FBN3: variants seen among roughly 807,000 people sequenced by gnomAD.
The protein encoded by FBN3 is fibrillin 3.
In FBN3, 234 loss-of-function variants were observed where a neutral mutation model predicts 330.1. The ratio of observed to expected loss-of-function variants is 0.71; its 90% confidence interval spans 0.64 to 0.79. The LOEUF (loss-of-function observed/expected upper bound fraction) is 0.79. Among genes scored for constraint, FBN3 ranks in the 30% least tolerant of loss-of-function variants. FBN3 has a pLI of 0.00. For synonymous variants in FBN3, 1,458 were observed against 1,517.3 expected, an observed-to-expected ratio of 0.96 and a Z score of 0.91; for missense variants, 3,606 against 3,886.9, an observed-to-expected ratio of 0.93 and a Z score of 1.92.
intron 8 of FBN3, among the ~76,000 whole-genome samples, chr19:8,139,718 TC>T (rs2083369506): frequency 6.6e-6 from 1 of 151,860 alleles, no homozygotes; most frequent in African/African-American, 2.4e-5. Flanking sequence ...CTCTTCCACT[TC>T]CCACTGCGCC....
Position 8,103,628 on chromosome 19 carries a change from G to C in FBN3, c.4873C>G (p.Leu1625Val). 1 of 1,613,648 alleles carries C rather than the reference G, an allele frequency of 6.2e-7. No homozygotes were observed. Among genetic ancestry groups the C allele is most frequent in the Non-Finnish European group, 8.5e-7 (1 of 1,179,710 alleles). The change falls in exon 39 of 64, where the codon CTG becomes GTG. Residue 1625 changes from leucine to valine, a missense_variant. Transcript: ENST00000600128. ...ICGPGTCYNT[L>V]GNYTCVCPAE... ...GGGCAGACACAGGTGTAGTTCCCCAGGGTGTTGTAGCAGGTGCCAGGGCCA... is the reference window on the plus strand; with the variant it reads ...GGGCAGACACAGGTGTAGTTCCCCACGGTGTTGTAGCAGGTGCCAGGGCCA...
intron 55 of FBN3, 66 bp downstream of exon 55, chr19:8,086,134 G>T: frequency 8.2e-7 from 1 of 1,212,826 alleles, no homozygotes; most frequent in Non-Finnish European, 1.1e-6. Flanking sequence ...GGCAGTGGGG[G>T]GGGACAGGCA....
In FBN3 at chr19:8,094,446, C is replaced by A. The variant is rs763342092; in HGVS notation, c.5905G>T (p.Asp1969Tyr). The change falls in exon 47 of 64, where the codon GAT (aspartate) becomes TAT (tyrosine). Residue 1969 changes from aspartate to tyrosine, a missense_variant and splice_region_variant. Transcript: ENST00000600128. ...GFQVQSDHCI[D>Y]IDECSEEPNL... Reference sequence around the variant, plus strand: ...AACGGGAGTGGGGCTGGACACTCACCAATGCAGTGGTCACTCTGCACCTGG... The same window carrying A: ...AACGGGAGTGGGGCTGGACACTCACAAATGCAGTGGTCACTCTGCACCTGG... 1.2e-6 allele frequency: 2 copies of A among 1,612,182 alleles called. No homozygotes were observed. The highest frequency in any genetic ancestry group is 1.7e-6 in the Non-Finnish European group (2 of 1,178,930).
At chr19:8,071,240 C>G (rs2081505103) in intron 63 of FBN3, among the ~76,000 whole-genome samples, 2 of 152,132 alleles carry the variant, frequency 1.3e-5, no homozygotes, top group Admixed American at 1.3e-4. Context: ...GCAAAAATGC[C>G]CTCTCTGCAC....
At position 8,119,036 on chromosome 19, in the gene FBN3, T is replaced by C; in HGVS notation, c.3212-14A>G. 1 of 1,587,666 alleles carries C rather than the reference T, an allele frequency of 6.3e-7. No individual in the cohort carries two copies. The highest frequency in any genetic ancestry group is 8.6e-7 in the Non-Finnish European group (1 of 1,159,724). ...ACTCGTCCACGTCTGAAGGTTTGTGTGGAAAGAGAGAGCAGGCATGAAGGT... is the reference window on the plus strand; with the variant it reads ...ACTCGTCCACGTCTGAAGGTTTGTGCGGAAAGAGAGAGCAGGCATGAAGGT... On this transcript the variant is annotated splice_polypyrimidine_tract_variant and intron_variant, in intron 25 of 63. Transcript: ENST00000600128.
chr19:8,106,144 C>G lies in FBN3; in HGVS notation c.4777G>C (p.Gly1593Arg). ...FGSFQCECPP[G>R]YHLSEHTRIC... is the part of the protein sequence containing the mutation. ...CGGGTGTGCTCACTGAGGTGGTAGC[C>G]AGGTGGGCACTCACACTGGAAACTG... The change falls in exon 38 of 64, where the codon GGC (glycine) becomes CGC (arginine). Residue 1593 changes from glycine (G) to arginine (R), a missense_variant. Gly to Arg is a moderately radical substitution (Grantham distance 125). Transcript: ENST00000600128. 2 of 1,614,142 alleles carry G rather than the reference C, an allele frequency of 1.2e-6. No homozygotes were observed. Among genetic ancestry groups the G allele is most frequent in the South Asian group, 2.2e-5 (2 of 91,078 alleles).
intron 50 of FBN3, 29 bp downstream of exon 50, chr19:8,089,865 G>C (rs1337063871): frequency 1.9e-6 from 3 of 1,576,236 alleles, no homozygotes; most frequent in Admixed American, 3.8e-5. Flanking sequence ...GCCCAGAAGG[G>C]GCTCTTAGCA....
chr19:8,081,025 G>C lies in FBN3; in HGVS notation c.7431C>G (p.Thr2477=), dbSNP rs746023723. 11 of 1,612,790 alleles carry C rather than the reference G, an allele frequency of 6.8e-6. No individual in the cohort carries two copies. The highest frequency in any genetic ancestry group is 9.3e-6 in the Non-Finnish European group (11 of 1,179,680). The change falls in exon 59 of 64, where the codon ACC becomes ACG. Residue 2477 remains threonine, a synonymous_variant. Coordinates refer to ENST00000600128, the MANE Select transcript of FBN3 (RefSeq NM_032447.5). ...CACCGAAGCAGGCCTGGTGGTGCTG[G>C]GTGAAGCCGGGCGGACAGCGGCAGG... ...AFTCRCPPGF[T]QHHQACFDND... is the part of the protein sequence containing the mutation.
chr19:8,135,936 G>GGGGGGGGGC, intron 13 of FBN3, 25 bp downstream of exon 13: 2 of 668,778 alleles, frequency 3.0e-6, no homozygotes, highest in Non-Finnish European at 4.8e-6. Context: ...GGAAGCCCCT[G>GGGGGGGGGC]CCCACCCGCC....
chr19:8,090,652 T>C (rs2082077627), intron 48 of FBN3, among the ~76,000 whole-genome samples: 1 of 151,738 alleles, frequency 6.6e-6, no homozygotes, highest in African/African-American at 2.4e-5. Flanking sequence ...CCCGGCTAAT[T>C]TTTGTATTTT....
intron 30 of FBN3, among the ~76,000 whole-genome samples, chr19:8,113,678 T>C (rs959331500): frequency 2.0e-5 from 3 of 151,666 alleles, no homozygotes; most frequent in African/African-American, 4.8e-5. Context: ...CACTGCACTA[T>C]AGCCTGGGCG....
At chr19:8,146,274 C>T (rs747028743) in intron 3 of FBN3, 49 bp from the exon 4 acceptor site, 36 of 1,479,406 alleles carry the variant, frequency 2.4e-5, no homozygotes, top group South Asian at 1.9e-4. Flanking sequence ...GAGCCTGGGC[C>T]GTCCCTGCTC....
At chr19:8,113,870 T>C (rs1183925806) in intron 30 of FBN3, among the ~76,000 whole-genome samples, 1 of 146,058 alleles carries the variant, frequency 6.8e-6, no homozygotes, top group African/African-American at 2.5e-5. Flanking sequence ...TAGCTGAGTG[T>C]GGCGGCACGT....
chr19:8,109,110 T>G lies in FBN3; in HGVS notation c.4618+117A>C. ...AGGATGAGCCCCTCTCCTCCCCCAG[T>G]TCTTGGTTTTCCTGTCGCCTAAGCC... On this transcript the variant is annotated intron_variant, in intron 36 of 63. Coordinates refer to ENST00000600128, the MANE Select transcript of FBN3 (RefSeq NM_032447.5). The surrounding 1 kb of genome is among the most constrained non-coding windows in gnomAD (Gnocchi z 5.2). The G allele has an allele frequency of 2.7e-5, 25 of 912,414 alleles. No homozygotes were observed. The highest frequency in any genetic ancestry group is 3.6e-5 in the Non-Finnish European group (22 of 609,316). 56.5% of individuals were successfully genotyped at this position (912,414 alleles called of 1,614,324 possible). A position where few individuals can be genotyped will look rare whatever the true frequency, so the allele number is the denominator to read the frequency against.
In FBN3 at chr19:8,111,625, CCCT is replaced by C; in HGVS notation, c.4084+20_4084+22del. The stretch of plus-strand genomic sequence containing the variant: ...CGTGGCTGTCCCTCTAGGGCCCCTG[CCCT>C]CCCACCCCTCTAATCTCACCTTCGC... On this transcript the variant is annotated intron_variant, in intron 32 of 63. Transcript: ENST00000600128. The C allele has an allele frequency of 1.7e-6, 2 of 1,200,108 alleles. No homozygotes were observed. Among genetic ancestry groups the C allele is most frequent in the Non-Finnish European group, 2.4e-6 (2 of 835,610 alleles). 74.3% of individuals were successfully genotyped at this position (1,200,108 alleles called of 1,614,324 possible).
chr19:8,148,807 G>A (rs2083610647), intron 1 of FBN3: 1 of 152,398 alleles, frequency 6.6e-6, no homozygotes, highest in Non-Finnish European at 1.5e-5. Flanking sequence ...GGGTTGGCTG[G>A]CTGGAGAGGG....
intron 34 of FBN3, among the ~76,000 whole-genome samples, chr19:8,110,125 G>A (rs1184942162): frequency 3.3e-5 from 5 of 152,132 alleles, no homozygotes; most frequent in African/African-American, 4.8e-5. Context: ...GCACAATCAC[G>A]GCTCACTGCA....
Position 8,135,945 on chromosome 19 carries a change from C to CCCCCCCCCCCCCCCCCCCCCCCCCCA in FBN3, c.1591+15_1591+16insTGGGGGGGGGGGGGGGGGGGGGGGGG. Reference sequence around the variant, plus strand: ...GGGCCCGGAAGCCCCTGCCCACCCGCCCACCCCCAACTCACCCACACAGTT... The same window carrying CCCCCCCCCCCCCCCCCCCCCCCCCCA: ...GGGCCCGGAAGCCCCTGCCCACCCGCCCCCCCCCCCCCCCCCCCCCCCCCCACCACCCCCAACTCACCCACACAGTT... On this transcript the variant is annotated intron_variant, in intron 13 of 63. Coordinates refer to ENST00000600128, the MANE Select transcript of FBN3 (RefSeq NM_032447.5). The CCCCCCCCCCCCCCCCCCCCCCCCCCA allele has an allele frequency of 2.0e-6, 1 of 488,816 alleles. No individual in the cohort carries two copies. 30.3% of individuals were successfully genotyped at this position (488,816 alleles called of 1,614,324 possible).
chr19:8,097,132 G>A (rs1291223956), intron 42 of FBN3, 126 bp from the exon 43 acceptor site: 2 of 1,482,620 alleles, frequency 1.3e-6, no homozygotes, highest in Non-Finnish European at 1.8e-6. Flanking sequence ...CTGGAGTAAG[G>A]GTGGTTATAT....
Sources: allele counts gnomAD v4.1 joint callset (sites outside exome capture counted in the v4.1 genomes callset), GRCh38; gene constraint gnomAD v4.1.1; non-coding constraint Gnocchi (gnomAD v3.1); transcripts MANE v1.5; gene names NCBI Gene and HGNC (gene_info 2026-07-23, HGNC 2026-07-21).